The following ATAD5 variants were observed in gnomAD, a reference collection of about 807,000 sequenced individuals.
The protein encoded by ATAD5 is ATPase family AAA domain-containing protein 5.
ATAD5 carries 58 observed loss-of-function variants against 176.9 expected under a neutral mutation model. That is an observed-to-expected ratio of 0.33 (90% CI 0.27 to 0.41). The LOEUF is 0.41. ATAD5 is among the 10% of genes least tolerant of loss of function. The pLI is 1.00. For missense variants in ATAD5, 1,789 were observed against 2,094.1 expected, an observed-to-expected ratio of 0.85 and a Z score of 2.84; for synonymous variants, 640 against 712.6, an observed-to-expected ratio of 0.90 and a Z score of 1.62.
chr17:30,868,104 A>G (rs2142394016), intron 11 of ATAD5, among the ~76,000 whole-genome samples: 1 of 152,188 alleles, frequency 6.6e-6, no homozygotes, highest in East Asian at 1.9e-4. Flanking sequence ...TCCATGTAAA[A>G]CTATTTTACT....
chr17:30,869,079 G>C (rs1908184335), intron 12 of ATAD5, among the ~76,000 whole-genome samples, 169 bp from the exon 13 acceptor site: 1 of 152,032 alleles, frequency 6.6e-6, no homozygotes, highest in African/African-American at 2.4e-5. Context: ...GCCCGCCTCA[G>C]CTTCCCAAAG....
Position 30,835,038 on chromosome 17 carries a change from T to C in ATAD5, c.957T>C (p.Phe319=), listed in dbSNP as rs759227339. The C allele has an allele frequency of 1.9e-6, 3 of 1,614,058 alleles. No individual in the cohort carries two copies. The highest frequency in any genetic ancestry group is 2.5e-6 in the Non-Finnish European group (3 of 1,179,996). Residue 319 remains phenylalanine (F), a synonymous_variant, in exon 2 of 23, where the codon TTT becomes TTC. Coordinates refer to ENST00000321990, the MANE Select transcript of ATAD5 (RefSeq NM_024857.5). ...ENSEISQQVR[F]KTVTVLAQVH... ...CCGAAATTTCCCAGCAGGTACGCTT[T>C]AAGACAGTTACTGTTCTTGCACAGG...
At chr17:30,887,882 A>G (rs1386029641) in intron 19 of ATAD5, among the ~76,000 whole-genome samples, 2 of 152,066 alleles carry the variant, frequency 1.3e-5, no homozygotes, top group Non-Finnish European at 2.9e-5. Flanking sequence ...CCTGGGCTAG[A>G]GTGCAGTGGT....
rs59878639 is a variant in ATAD5 at position 30,859,965 on chromosome 17, C to G, written c.2957-468C>G. On this transcript the variant is annotated intron_variant, in intron 9 of 22. Coordinates refer to ENST00000321990, the MANE Select transcript of ATAD5 (RefSeq NM_024857.5). Reference sequence around the variant, plus strand: ...TCTTGAACTCCTGACCTCAGGTGATCCACCCACCTTGGCCTCCCAAAGTGC... The same window carrying G: ...TCTTGAACTCCTGACCTCAGGTGATGCACCCACCTTGGCCTCCCAAAGTGC... 2.3e-4 allele frequency among the ~76,000 whole-genome samples: 33 copies of G among 146,482 alleles called. 3 individuals are homozygous for G. Among genetic ancestry groups the G allele is most frequent in the Admixed American group, 2.1e-3 (30 of 14,124 alleles).
intron 6 of ATAD5, among the ~76,000 whole-genome samples, chr17:30,851,473 G>C (rs1229292525): frequency 6.7e-6 from 1 of 148,782 alleles, no homozygotes; most frequent in African/African-American, 2.5e-5. Context: ...TCCAGCCTGG[G>C]CAACAGAGCA....
At chr17:30,842,478 A>T (rs1395775034) in intron 4 of ATAD5, among the ~76,000 whole-genome samples, 1 of 152,024 alleles carries the variant, frequency 6.6e-6, no homozygotes, top group Non-Finnish European at 1.5e-5. Flanking sequence ...TCTCTCCCCT[A>T]CATTCAGATG....
chr17:30,846,054 A>G (rs920871123), intron 6 of ATAD5, among the ~76,000 whole-genome samples: 3 of 152,312 alleles, frequency 2.0e-5, no homozygotes, highest in Admixed American at 6.5e-5. Context: ...TTAAGTATGC[A>G]GTTTTGACAA....
rs749190277 is a variant in ATAD5 at position 30,834,632 on chromosome 17, C to T, written c.551C>T (p.Ser184Phe). Residue 184 changes from serine (S) to phenylalanine (F), a missense_variant, in exon 2 of 23, where the codon TCC becomes TTC. By Grantham distance (155) the Ser-to-Phe change is radical (BLOSUM62 -2). Around this residue, in one of 6 missense-constraint regions of ATAD5, gnomAD observed 696 missense variants for 712.5 expected, o/e 0.98. Transcript: ENST00000321990. ...AAAAGTCAACCAAATACTATGACCT[C>T]CCTGCAAAATTCTAAAAAAGTAAAT... ...DTKSQPNTMT[S>F]LQNSKKVNPK... 8 of 1,611,076 alleles carry T rather than the reference C, an allele frequency of 5.0e-6. No individual in the cohort carries two copies. Among genetic ancestry groups the T allele is most frequent in the Middle Eastern group, 3.3e-4 (2 of 6,068 alleles).
chr17:30,844,084 G>A (rs747333088), intron 5 of ATAD5, 45 bp downstream of exon 5: 10 of 1,376,702 alleles, frequency 7.3e-6, no homozygotes, highest in Non-Finnish European at 9.6e-6. Context: ...AGAATGTTTT[G>A]GGGTTTTTGT....
At chr17:30,837,345 G>A in intron 3 of ATAD5, 31 bp downstream of exon 3, 1 of 1,378,472 alleles carries the variant, frequency 7.3e-7, no homozygotes, top group South Asian at 1.4e-5. Flanking sequence ...TCCTATAAGT[G>A]CCATTCTGTT....
rs181456798 is a variant in ATAD5 at position 30,863,728 on chromosome 17, A to C, written c.3137-1976A>C. Reference sequence around the variant, plus strand: ...CACCCAGGTTGGAGTGTAGTGGCACAATCTCGGCTCACTGCAACCTCCACC... The same window carrying C: ...CACCCAGGTTGGAGTGTAGTGGCACCATCTCGGCTCACTGCAACCTCCACC... On this transcript the variant is annotated intron_variant, in intron 10 of 22. Coordinates refer to ENST00000321990, the MANE Select transcript of ATAD5 (RefSeq NM_024857.5). 9.2e-5 allele frequency among the ~76,000 whole-genome samples: 11 copies of C among 119,162 alleles called. 1 individual carries two copies. The highest frequency in any genetic ancestry group is 3.7e-4 in the African/African-American group (11 of 29,818). 78.2% of individuals were successfully genotyped at this position (119,162 alleles called of 152,430 possible).
Position 30,840,221 on chromosome 17 carries a change from A to C in ATAD5, c.2077-396A>C, listed in dbSNP as rs887406800. Among the ~76,000 whole-genome samples the C allele has an allele frequency of 5.4e-5, 7 of 129,308 alleles. No individual in the cohort carries two copies. In the East Asian group the frequency reaches 1.4e-3, roughly 26 times the overall value. 84.8% of individuals were successfully genotyped at this position (129,308 alleles called of 152,430 possible). ...AAAAAAAAAAAAAAAAAAAAAAAAC[A>C]ACCTTGAGGCCAAGGTCCATGTATT... On this transcript the variant is annotated intron_variant, in intron 3 of 22. Transcript: ENST00000321990.
intron 14 of ATAD5, among the ~76,000 whole-genome samples, chr17:30,873,400 C>T (rs1908454115): frequency 6.6e-6 from 1 of 151,416 alleles, no homozygotes; most frequent in African/African-American, 2.4e-5. Flanking sequence ...TCACTGCAAC[C>T]TCCGTCTCCC....
Position 30,889,587 on chromosome 17 carries a change from AATGCTTTT to A in ATAD5, c.4258+2218_4258+2225del, listed in dbSNP as rs570098023. On this transcript the variant is annotated intron_variant, in intron 19 of 22. Transcript: ENST00000321990. ...TTCCTAAATACTTTATTATTTCAGA[AATGCTTTT>A]ATTTCTTATTTTTTTTCAGTCATCA... 1.1e-3 allele frequency among the ~76,000 whole-genome samples: 171 copies of A among 151,916 alleles called. 1 individual carries two copies. The highest frequency in any genetic ancestry group is 3.9e-3 in the African/African-American group (161 of 41,518).
chr17:30,889,520 C>T (rs184355399), intron 19 of ATAD5, among the ~76,000 whole-genome samples: 9 of 151,694 alleles, frequency 5.9e-5, no homozygotes, highest in East Asian at 5.8e-4. Flanking sequence ...GTAACTATAA[C>T]GTACAATCAC....
At chr17:30,876,860 G>T (rs1010528503) in intron 15 of ATAD5, among the ~76,000 whole-genome samples, 12 of 151,492 alleles carry the variant, frequency 7.9e-5, no homozygotes, top group Admixed American at 7.9e-4. Context: ...GGGATTACTG[G>T]TGCACACCAC....
In ATAD5 at chr17:30,877,488, A is replaced by G; in HGVS notation, c.3857A>G (p.Lys1286Arg). Residue 1286 changes from lysine (K) to arginine (R), a missense_variant, in exon 16 of 23, where the codon AAA becomes AGA. Lys to Arg is a conservative substitution (Grantham distance 26). Transcript: ENST00000321990. The part of the protein sequence containing the change: ...KSTNATNSNV[K>R]DVGAEEPSRK... ...ACAAATGCAACTAATTCAAATGTCA[A>G]AGACGTTGGAGCTGAAGAACCCAGC... 2 of 1,609,136 alleles carry G rather than the reference A, an allele frequency of 1.2e-6. No individual in the cohort carries two copies. The highest frequency in any genetic ancestry group is 2.7e-5 in the African/African-American group (2 of 74,850).
At chr17:30,857,825 C>T (rs562668001) in intron 8 of ATAD5, among the ~76,000 whole-genome samples, 1 of 150,658 alleles carries the variant, frequency 6.6e-6, no homozygotes, top group East Asian at 2.0e-4. Flanking sequence ...ACTGCAACCT[C>T]TGCCTCCCGG....
At chr17:30,878,285 C>T (rs555737572) in intron 17 of ATAD5, among the ~76,000 whole-genome samples, 189 bp downstream of exon 17, 1 of 152,160 alleles carries the variant, frequency 6.6e-6, no homozygotes, top group African/African-American at 2.4e-5. Context: ...AATAAGAAAT[C>T]TAGTAATGGT....
Sources: gnomAD v4.1 joint callset for allele counts (sites outside exome capture counted in the v4.1 genomes callset) on GRCh38, gnomAD v4.1.1 for gene constraint, gnomAD v4.1.1 regional missense constraint, MANE v1.5 for transcripts, NCBI Gene and HGNC (gene_info 2026-07-23, HGNC 2026-07-21) for gene names.